The following LY6S variants were observed in gnomAD, a reference collection of about 807,000 sequenced individuals.
LY6S encodes the protein lymphocyte antigen 6S.
At chr8:143,050,743 G>A in the LY6S span, among the ~76,000 whole-genome samples, 2 of 152,146 alleles carry the variant, frequency 1.3e-5, no homozygotes, top group Admixed American at 6.5e-5. Flanking sequence ...GACCTCAGGG[G>A]TGCACCCTCT....
At chr8:143,044,904 C>A in the LY6S span, 1 of 1,167,036 alleles carries the variant, frequency 8.6e-7, no homozygotes, top group Non-Finnish European at 1.1e-6. Context: ...TCACCACCAC[C>A]CTTGTCCCAA....
At chr8:143,072,206 T>C in the LY6S span, among the ~76,000 whole-genome samples, 6,459 of 123,976 alleles carry the variant, frequency 0.052, 229 homozygotes, top group African/African-American at 0.098. Context: ...CAGCCGTCAT[T>C]CTGGGGGTTC....
At chr8:143,057,020 G>T in the LY6S span, 1 of 243,992 alleles carries the variant, frequency 4.1e-6, no homozygotes, top group South Asian at 7.8e-5. Context: ...GGACTAGGAG[G>T]TTTGCCCATC....
chr8:143,058,922 T>C, the LY6S span, among the ~76,000 whole-genome samples: 1 of 152,254 alleles, frequency 6.6e-6, no homozygotes, highest in Non-Finnish European at 1.5e-5. Context: ...CCTATCTCTG[T>C]ATGGCCTGGT....
chr8:143,046,642 C>G, the LY6S span, among the ~76,000 whole-genome samples: 2 of 151,274 alleles, frequency 1.3e-5, no homozygotes, highest in East Asian at 3.9e-4. Context: ...TCTAATCTCA[C>G]AAGCTAACTT....
the LY6S span, chr8:143,053,975 A>G: frequency 6.6e-6 from 1 of 152,116 alleles, no homozygotes; most frequent in East Asian, 1.9e-4. Flanking sequence ...CTCTAGCTCA[A>G]TATATCCTCT....
At chr8:143,056,624 A>C in the LY6S span, among the ~76,000 whole-genome samples, 1 of 152,224 alleles carries the variant, frequency 6.6e-6, no homozygotes, top group South Asian at 2.1e-4. Flanking sequence ...TTCCACAAAA[A>C]GGCTAGAAAT....
At chr8:143,067,907 T>C in the LY6S span, among the ~76,000 whole-genome samples, 2 of 152,216 alleles carry the variant, frequency 1.3e-5, no homozygotes, top group African/African-American at 2.4e-5. Flanking sequence ...CATCTCAGAA[T>C]AGAACTAACG....
chr8:143,064,521 C>T, the LY6S span, among the ~76,000 whole-genome samples: 1 of 152,174 alleles, frequency 6.6e-6, no homozygotes. Context: ...ATTGCAAGCT[C>T]CTCAAATCTT....
At chr8:143,042,970 C>T in the LY6S span, 1 of 1,357,600 alleles carries the variant, frequency 7.4e-7, no homozygotes, top group Non-Finnish European at 9.9e-7. Context: ...AAGCCCCGAC[C>T]TCTGCCCTGG....
At chr8:143,043,331 C>A in the LY6S span, 1 of 1,072,564 alleles carries the variant, frequency 9.3e-7, no homozygotes, top group Non-Finnish European at 1.3e-6. Context: ...TCTCCCCTCT[C>A]ACTTTACCTG....
the LY6S span, chr8:143,049,142 A>G: frequency 3.7e-6 from 2 of 534,416 alleles, no homozygotes; most frequent in South Asian, 2.8e-5. Flanking sequence ...ACACCCTGTC[A>G]TGGTCCAGCT....
chr8:143,054,336 C>G, the LY6S span: 1 of 137,454 alleles, frequency 7.3e-6, no homozygotes, highest in East Asian at 2.5e-4. Context: ...AGAGAGAGAA[C>G]TACACTTGTG....
At chr8:143,044,036 C>T in the LY6S span, 28 of 427,944 alleles carry the variant, frequency 6.5e-5, no homozygotes, top group African/African-American at 2.9e-4. Flanking sequence ...GATGCAGCTC[C>T]GAGAGCTGAG....
At chr8:143,041,550 G>A in the LY6S span, among the ~76,000 whole-genome samples, 1 of 152,120 alleles carries the variant, frequency 6.6e-6, no homozygotes, top group Non-Finnish European at 1.5e-5. Flanking sequence ...AGGGTCCTGA[G>A]GCAATATACA....
the LY6S span, chr8:143,043,351 G>A: frequency 2.0e-5 from 18 of 903,312 alleles, no homozygotes; most frequent in East Asian, 6.4e-4. Flanking sequence ...GCGAGAGAGC[G>A]GGGTGGGGGA....
chr8:143,073,152 CGTCGTCCCCGGGGTTCCTGTTTG>C, the LY6S span, among the ~76,000 whole-genome samples: 1 of 142,458 alleles, frequency 7.0e-6, no homozygotes, highest in African/African-American at 2.8e-5. Context: ...AGGAGACAGC[CGTCGTCCCCGGGGTTCCTGTTTG>C]AGGAGACAGC....
chr8:143,071,626 A>G, the LY6S span, among the ~76,000 whole-genome samples: 1 of 151,824 alleles, frequency 6.6e-6, no homozygotes, highest in Non-Finnish European at 1.5e-5. Context: ...TCAAAGAAAT[A>G]GAGTCTATTG....
chr8:143,057,529 T>G, the LY6S span: 1 of 883,282 alleles, frequency 1.1e-6, no homozygotes. Flanking sequence ...ATTACAGGCG[T>G]GAGCCACTGC....
Sources: gnomAD v4.1 joint callset for allele counts (sites outside exome capture counted in the v4.1 genomes callset) on GRCh38, gnomAD v4.1.1 for gene constraint, MANE v1.5 for transcripts, NCBI Gene and HGNC (gene_info 2026-07-23, HGNC 2026-07-21) for gene names.